Variants in RXRA observed in about 807,000 individuals in gnomAD.
The protein encoded by RXRA is retinoic acid receptor RXR-alpha.
RXRA carries 5 observed loss-of-function variants against 44.5 expected under a neutral mutation model. The observed-to-expected ratio is 0.11, with a 90% CI of 0.06 to 0.24. The LOEUF (loss-of-function observed/expected upper bound fraction) is 0.24. Ranked by LOEUF, RXRA falls within the 10% of genes least tolerant of loss-of-function variation. The probability of loss-of-function intolerance (pLI) is 1.00; values close to 1 mark genes in which losing one functional copy is unlikely to be tolerated. For missense variants in RXRA, 412 were observed against 646.5 expected (o/e 0.64, Z 3.93); for synonymous variants, 291 against 271.4 (o/e 1.07, Z -0.71).
At chr9:134,340,169 C>T (rs532330203) in intron 1 of RXRA, among the ~76,000 whole-genome samples, 3 of 152,270 alleles carry the variant, frequency 2.0e-5, no homozygotes, top group East Asian at 3.9e-4. Flanking sequence ...GTGCCCCACA[C>T]CTTCTGATGG....
rs1260062995 is a variant in RXRA at position 134,343,054 on chromosome 9, C to G, written c.28+16395C>G. ...TTATGGGATTTTCACCTGCCCAGCC[C>G]TGGGAGGTGTCTTGGACCCAGAGCA... On this transcript the variant is annotated intron_variant, in intron 1 of 9. Coordinates refer to ENST00000481739, the MANE Select transcript of RXRA (RefSeq NM_002957.6). The surrounding 1 kb of genome is among the most constrained non-coding windows in gnomAD (Gnocchi z 4.1). 2.0e-5 allele frequency among the ~76,000 whole-genome samples: 3 copies of G among 152,188 alleles called. No homozygotes were observed. The highest frequency in any genetic ancestry group is 4.4e-5 in the Non-Finnish European group (3 of 68,010).
At chr9:134,360,575 C>G (rs533983454) in intron 1 of RXRA, among the ~76,000 whole-genome samples, 1 of 152,384 alleles carries the variant, frequency 6.6e-6, no homozygotes, top group South Asian at 2.1e-4. Context: ...GTGCAGGTCG[C>G]TCGCGGTTAC....
At chr9:134,408,569 A>G (rs899578065) in intron 3 of RXRA, among the ~76,000 whole-genome samples, 2 of 152,228 alleles carry the variant, frequency 1.3e-5, no homozygotes, top group African/African-American at 4.8e-5. Flanking sequence ...TGGCAAGGTC[A>G]GCATGGGGGC....
At chr9:134,381,357 G>T (rs1429998000) in intron 1 of RXRA, among the ~76,000 whole-genome samples, 1 of 152,152 alleles carries the variant, frequency 6.6e-6, no homozygotes, top group South Asian at 2.1e-4. Context: ...TGCTGACCGC[G>T]CTGGGGCAGA....
At chr9:134,371,321 C>T (rs1261952888) in intron 1 of RXRA, among the ~76,000 whole-genome samples, 1 of 152,214 alleles carries the variant, frequency 6.6e-6, no homozygotes, top group African/African-American at 2.4e-5. Flanking sequence ...GACCAGTCGT[C>T]TAGAGCCAGG....
In RXRA at chr9:134,417,596, A is replaced by G. The variant is rs551937719; in HGVS notation, c.780+269A>G. 2.9e-4 allele frequency among the ~76,000 whole-genome samples: 44 copies of G among 151,936 alleles called. 2 individuals carry two copies. The South Asian group carries it at 7.3e-3, about 25-fold the overall frequency. ...GCCCGGGGCCTGGGGCCCTGCGGCC[A>G]CATCATCATCCTCGGCCACCTCTGC... is the stretch of plus-strand genomic sequence containing the variant. On this transcript the variant is annotated intron_variant, in intron 5 of 9. Transcript: ENST00000481739. This position sits in a 1 kb window ranked among gnomAD's most constrained non-coding sequence, Gnocchi z 6.1.
chr9:134,388,122 C>T (rs998364607), intron 1 of RXRA, among the ~76,000 whole-genome samples: 2 of 151,056 alleles, frequency 1.3e-5, no homozygotes, highest in Admixed American at 1.3e-4. Flanking sequence ...TCCAGGTCAG[C>T]TTTCTTGATG....
intron 1 of RXRA, among the ~76,000 whole-genome samples, chr9:134,333,769 G>A (rs1835044689): frequency 1.3e-5 from 2 of 152,204 alleles, no homozygotes; most frequent in Non-Finnish European, 2.9e-5. Flanking sequence ...GTCAGGCAGT[G>A]ACAGCACAGG....
At chr9:134,400,426 C>G (rs929721050) in intron 1 of RXRA, among the ~76,000 whole-genome samples, 1 of 152,216 alleles carries the variant, frequency 6.6e-6, no homozygotes, top group East Asian at 1.9e-4. Flanking sequence ...TGCCACAGGT[C>G]AAGGCACGGA....
intron 9 of RXRA, among the ~76,000 whole-genome samples, chr9:134,435,165 G>A (rs1831596987): frequency 6.6e-6 from 1 of 152,222 alleles, no homozygotes; most frequent in Non-Finnish European, 1.5e-5. Flanking sequence ...CAACCACAGA[G>A]CTTTTCCCTG....
chr9:134,346,888 G>T (rs532842669), intron 1 of RXRA, among the ~76,000 whole-genome samples: 2 of 152,212 alleles, frequency 1.3e-5, no homozygotes, highest in Non-Finnish European at 2.9e-5. Context: ...GACCCCACCA[G>T]CGCTTCACTG....
intron 1 of RXRA, among the ~76,000 whole-genome samples, chr9:134,327,910 G>A (rs922989727): frequency 9.9e-5 from 15 of 152,258 alleles, no homozygotes; most frequent in Admixed American, 7.8e-4. Flanking sequence ...TGGTGGGCTC[G>A]AGGCCTTGAA....
At chr9:134,374,120 G>C (rs1322226194) in intron 1 of RXRA, 1 of 152,320 alleles carries the variant, frequency 6.6e-6, no homozygotes, top group Non-Finnish European at 1.5e-5. Flanking sequence ...CACGGCTTCC[G>C]GGAGTTAAAG....
At chr9:134,339,887 G>T (rs1830065504) in intron 1 of RXRA, among the ~76,000 whole-genome samples, 1 of 151,856 alleles carries the variant, frequency 6.6e-6, no homozygotes, top group Non-Finnish European at 1.5e-5. Flanking sequence ...CCATGCCCTT[G>T]TGTGAGCCTG....
chr9:134,413,319 CTGTGGTGTGGTATG>C (rs1287297427), intron 4 of RXRA, among the ~76,000 whole-genome samples: 7 of 150,354 alleles, frequency 4.7e-5, no homozygotes, highest in South Asian at 2.1e-4. Flanking sequence ...TGTGATATGT[CTGTGGTGTGGTATG>C]TGTGGTGTGG....
At chr9:134,405,199 G>A (rs1588291195) in intron 2 of RXRA, 1 of 152,304 alleles carries the variant, frequency 6.6e-6, no homozygotes, top group East Asian at 1.9e-4. Flanking sequence ...GGGCTGGAAG[G>A]GCGGAAGAAC....
At chr9:134,389,290 T>C (rs945033341) in intron 1 of RXRA, among the ~76,000 whole-genome samples, 2 of 152,156 alleles carry the variant, frequency 1.3e-5, no homozygotes, top group Non-Finnish European at 2.9e-5. Flanking sequence ...CTGGCTTTGG[T>C]CACCCCCGGG....
intron 1 of RXRA, among the ~76,000 whole-genome samples, chr9:134,384,070 C>G (rs952770587): frequency 6.6e-6 from 1 of 152,174 alleles, no homozygotes; most frequent in African/African-American, 2.4e-5. Context: ...ACCCTCCACA[C>G]TGTCACTCAG....
rs970907199 is a variant in RXRA, at chr9:134,342,250, G to A, written c.28+15591G>A. Among the ~76,000 whole-genome samples the A allele has an allele frequency of 5.3e-5, 8 of 152,090 alleles. No individual in the cohort carries two copies. Among genetic ancestry groups the A allele is most frequent in the Non-Finnish European group, 1.0e-4 (7 of 68,002 alleles). On this transcript the variant is annotated intron_variant, in intron 1 of 9. Coordinates refer to ENST00000481739, the MANE Select transcript of RXRA (RefSeq NM_002957.6). The surrounding 1 kb of genome is among the most constrained non-coding windows in gnomAD (Gnocchi z 4.4). ...GAGGGCAGGGGCGGGGGTCCGGGTC[G>A]AGGACTAGCAAGCCACAGTGCACCA...
Sources: allele counts gnomAD v4.1 joint callset (sites outside exome capture counted in the v4.1 genomes callset), GRCh38; gene constraint gnomAD v4.1.1; non-coding constraint Gnocchi (gnomAD v3.1); transcripts MANE v1.5; gene names NCBI Gene and HGNC (gene_info 2026-07-23, HGNC 2026-07-21).